Variants in HCN1 observed in about 807,000 individuals in gnomAD.
HCN1 encodes the protein potassium/sodium hyperpolarization-activated cyclic nucleotide-gated channel 1.
In HCN1, 13 loss-of-function variants were observed where a neutral mutation model predicts 78.9. That is an observed-to-expected ratio of 0.16 (90% CI 0.11 to 0.26). HCN1 has a LOEUF of 0.26. Among genes scored for constraint, HCN1 ranks in the 10% least tolerant of loss-of-function variants. The pLI is 1.00. For missense variants in HCN1, 810 were observed against 1,154.3 expected (o/e 0.70, Z 4.32); for synonymous variants, 552 against 455.5 (o/e 1.21, Z -2.70).
chr5:45,357,792 C>T (rs1335519867), intron 4 of HCN1, among the ~76,000 whole-genome samples: 2 of 151,984 alleles, frequency 1.3e-5, no homozygotes, highest in Non-Finnish European at 2.9e-5. Flanking sequence ...GAGATTTTAT[C>T]CCCAGTGTTG....
At chr5:45,614,826 C>G (rs1260448387) in intron 2 of HCN1, among the ~76,000 whole-genome samples, 1 of 152,002 alleles carries the variant, frequency 6.6e-6, no homozygotes, top group African/African-American at 2.4e-5. Context: ...TGTTACCCCA[C>G]TTCCATATTT....
intron 4 of HCN1, among the ~76,000 whole-genome samples, chr5:45,388,390 G>T (rs140943982): frequency 4.6e-5 from 7 of 152,062 alleles, no homozygotes; most frequent in African/African-American, 1.4e-4. Context: ...TGCCTGTCCC[G>T]CTGTGTTCTC....
chr5:45,690,074 A>T (rs113618379), intron 1 of HCN1, among the ~76,000 whole-genome samples: 4 of 152,194 alleles, frequency 2.6e-5, no homozygotes, highest in African/African-American at 9.6e-5. Flanking sequence ...AGGTGCGAAG[A>T]TGTTTGTTGC....
intron 2 of HCN1, among the ~76,000 whole-genome samples, chr5:45,616,275 C>T (rs1193133264): frequency 6.6e-6 from 1 of 151,642 alleles, no homozygotes; most frequent in African/African-American, 2.4e-5. Flanking sequence ...ATGAGATCAC[C>T]CAACTTTCAG....
chr5:45,414,846 A>T (rs1268791495), intron 3 of HCN1, among the ~76,000 whole-genome samples: 2 of 151,884 alleles, frequency 1.3e-5, no homozygotes, highest in East Asian at 3.9e-4. Flanking sequence ...GCCCTAGGTT[A>T]CTTCTATTAT....
At chr5:45,492,938 G>A (rs1394645786) in intron 2 of HCN1, among the ~76,000 whole-genome samples, 1 of 152,076 alleles carries the variant, frequency 6.6e-6, no homozygotes, top group East Asian at 1.9e-4. Context: ...TGGTCAAGCT[G>A]GGACCTTCAT....
At chr5:45,281,768 T>G (rs1264335859) in intron 6 of HCN1, among the ~76,000 whole-genome samples, 1 of 151,372 alleles carries the variant, frequency 6.6e-6, no homozygotes, top group Non-Finnish European at 1.5e-5. Flanking sequence ...TTTTTTTTTG[T>G]ATTTTAGTAG....
chr5:45,501,578 C>T (rs940708150), intron 2 of HCN1, among the ~76,000 whole-genome samples: 52 of 152,142 alleles, frequency 3.4e-4, no homozygotes, highest in African/African-American at 1.2e-3. Context: ...GTAGCTGGGA[C>T]TACAGGCACC....
intron 3 of HCN1, among the ~76,000 whole-genome samples, chr5:45,425,205 C>T (rs1384241942): frequency 6.6e-6 from 1 of 152,144 alleles, no homozygotes; most frequent in Non-Finnish European, 1.5e-5. Context: ...GGTATATGCC[C>T]ACACTTAACA....
At chr5:45,312,577 A>C (rs1034263225) in intron 5 of HCN1, among the ~76,000 whole-genome samples, 3 of 152,214 alleles carry the variant, frequency 2.0e-5, no homozygotes, top group African/African-American at 7.2e-5. Context: ...GCATAGCCTC[A>C]CCCGGCAAGT....
At chr5:45,400,977 C>T (rs1469555084) in intron 3 of HCN1, among the ~76,000 whole-genome samples, 1 of 152,130 alleles carries the variant, frequency 6.6e-6, no homozygotes, top group Non-Finnish European at 1.5e-5. Context: ...GTTCACATAA[C>T]TATGTAATAG....
chr5:45,350,325 CT>C (rs1321225427), intron 5 of HCN1, among the ~76,000 whole-genome samples: 5 of 152,274 alleles, frequency 3.3e-5, no homozygotes, highest in Admixed American at 3.3e-4. Flanking sequence ...AATTCAACAA[CT>C]CTTCATGCTA....
At chr5:45,642,425 T>C (rs747357932) in intron 2 of HCN1, 7 of 152,176 alleles carry the variant, frequency 4.6e-5, no homozygotes, top group Middle Eastern at 3.4e-3. Flanking sequence ...GGGCTTCTTG[T>C]TGTTTTTCAG....
Position 45,542,498 on chromosome 5 carries a change from A to G in HCN1, c.850-80491T>C, listed in dbSNP as rs374566191. On this transcript the variant is annotated intron_variant, in intron 2 of 7. Coordinates refer to ENST00000303230, the MANE Select transcript of HCN1 (RefSeq NM_021072.4). ...TAGCCAAGGAAAAGAAAAGTTAAAA[A>G]AAAAAAGATTTTCAGATTAGCAGTT... 3.0e-4 allele frequency among the ~76,000 whole-genome samples: 45 copies of G among 152,268 alleles called. No homozygotes were observed. In the East Asian group the frequency reaches 5.0e-3, roughly 17 times the overall value.
At chr5:45,505,534 G>A (rs926897119) in intron 2 of HCN1, among the ~76,000 whole-genome samples, 21 of 152,070 alleles carry the variant, frequency 1.4e-4, no homozygotes, top group Non-Finnish European at 2.1e-4. Flanking sequence ...GTCAGGTAGC[G>A]TGATGCCTCC....
intron 1 of HCN1, among the ~76,000 whole-genome samples, chr5:45,681,586 A>G (rs1337669935): frequency 6.6e-6 from 1 of 152,154 alleles, no homozygotes; most frequent in African/African-American, 2.4e-5. Context: ...CCAAAAAGTT[A>G]AAATTTAAAA....
chr5:45,503,041 T>A (rs1742223566), intron 2 of HCN1, among the ~76,000 whole-genome samples: 1 of 152,222 alleles, frequency 6.6e-6, no homozygotes, highest in African/African-American at 2.4e-5. Context: ...GGAAGACTCA[T>A]GCATTTATCT....
intron 2 of HCN1, among the ~76,000 whole-genome samples, chr5:45,528,857 C>T (rs1265375944): frequency 6.6e-6 from 1 of 151,808 alleles, no homozygotes; most frequent in East Asian, 1.9e-4. Context: ...AAAGGCAAAT[C>T]TAATTGGCAA....
intron 6 of HCN1, among the ~76,000 whole-genome samples, chr5:45,286,267 C>T (rs1745268967): frequency 6.6e-6 from 1 of 151,650 alleles, no homozygotes; most frequent in Non-Finnish European, 1.5e-5. Flanking sequence ...TTCTGTTCTC[C>T]AAGTTATAAT....
Sources: allele counts gnomAD v4.1 joint callset (sites outside exome capture counted in the v4.1 genomes callset), GRCh38; gene constraint gnomAD v4.1.1; transcripts MANE v1.5; gene names NCBI Gene and HGNC (gene_info 2026-07-23, HGNC 2026-07-21).